RNF135: variants seen among roughly 807,000 people sequenced by gnomAD.
The protein encoded by RNF135 is ring finger protein 135, also known as E3 ubiquitin-protein ligase RNF135.
In RNF135, 46 loss-of-function variants were observed where a neutral mutation model predicts 41.9. That is an observed-to-expected ratio of 1.10 (90% CI 0.87 to 1.40). The LOEUF is 1.40. Among genes scored for constraint, RNF135 ranks in the 40% most tolerant of loss-of-function variants. The pLI is 0.00. For synonymous variants in RNF135, 238 were observed against 223.8 expected (o/e 1.06, Z -0.57); for missense variants, 539 against 549.8 (o/e 0.98, Z 0.20).
At position 30,971,418 on chromosome 17, in the gene RNF135, GC is replaced by G; in HGVS notation, c.349del (p.Arg117GlyfsTer11). ...GTTCCCTCTCCAGCGCGGCCGCGAG[GC>G]CCCGGCGCCGCCCGGAACTGCAGCG... ...SSSLSSAAAR[P>X]RRRPELQRVA... On this transcript the variant is annotated frameshift_variant, in exon 1 of 5. Coordinates refer to ENST00000328381, the MANE Select transcript of RNF135 (RefSeq NM_032322.4). LOFTEE classifies it high-confidence loss of function. The G allele has an allele frequency of 2.0e-6, 3 of 1,515,930 alleles. No individual in the cohort carries two copies. The highest frequency in any genetic ancestry group is 2.6e-5 in the East Asian group (1 of 38,182). The allele number at this position is 1,515,930 out of a possible 1,614,324, so 93.9% of individuals were successfully genotyped here.
chr17:30,999,252 G>A lies in RNF135; in HGVS notation c.*61G>A. 1 of 1,563,082 alleles carries A rather than the reference G, an allele frequency of 6.4e-7. No homozygotes were observed. Among genetic ancestry groups the A allele is most frequent in the South Asian group, 1.1e-5 (1 of 89,978 alleles). ...GTCTCTCTCCCTGTCATCAATCAGG[G>A]TAGTAACTTGACTTAAGAATACCAC... On this transcript the variant is annotated 3_prime_UTR_variant, in exon 5 of 5. Transcript: ENST00000328381.
At chr17:30,971,513 T>G in intron 1 of RNF135, 68 bp downstream of exon 1, 1 of 1,413,826 alleles carries the variant, frequency 7.1e-7, no homozygotes. Flanking sequence ...CTTTCCCATG[T>G]GGCTCGAACC....
upstream of RNF135, among the ~76,000 whole-genome samples, chr17:30,966,120 C>A (rs1598067723): frequency 2.0e-5 from 3 of 152,230 alleles, no homozygotes; most frequent in East Asian, 5.8e-4. Context: ...GTGGTTTCAG[C>A]CCCCTGAATA....
intron 1 of RNF135, chr17:30,972,735 TG>T (rs1906103628): frequency 6.6e-6 from 1 of 152,244 alleles, no homozygotes; most frequent in Admixed American, 6.6e-5. Flanking sequence ...ATTCCTTTTA[TG>T]GGGCTGAATG....
intron 2 of RNF135, among the ~76,000 whole-genome samples, chr17:30,986,558 C>T (rs190285207): frequency 4.6e-5 from 7 of 152,316 alleles, no homozygotes; most frequent in South Asian, 2.1e-4. Flanking sequence ...CAAGTACCCA[C>T]TTACAGTAGG....
chr17:30,975,642 C>T, intron 1 of RNF135: 3 of 1,162,938 alleles, frequency 2.6e-6, no homozygotes, highest in South Asian at 2.4e-5. Flanking sequence ...CAAGAAACTC[C>T]ACAACCGCCA....
intron 3 of RNF135, among the ~76,000 whole-genome samples, chr17:30,993,171 C>T (rs1188626794): frequency 6.6e-6 from 1 of 151,856 alleles, no homozygotes; most frequent in Non-Finnish European, 1.5e-5. Context: ...AGCAATTCTC[C>T]TGCCTCAGCC....
chr17:30,971,271 C>T lies in RNF135; in HGVS notation c.198C>T (p.Ala66=), dbSNP rs926995158. ...CCTGCCCCACTTGCCGCCAGGGCGC[C>T]GCGCAGCAGCCGCACCTGCGGAAGA... ...RWACPTCRQG[A]AQQPHLRKNT... is the part of the protein sequence containing the mutation. The change falls in exon 1 of 5, where the codon GCC becomes GCT. Residue 66 remains alanine, a synonymous_variant. Transcript: ENST00000328381. 7.2e-5 allele frequency: 110 copies of T among 1,524,562 alleles called. No homozygotes were observed. Among genetic ancestry groups the T allele is most frequent in the Non-Finnish European group, 9.0e-5 (103 of 1,140,650 alleles). 94.4% of individuals were successfully genotyped at this position (1,524,562 alleles called of 1,614,324 possible). A position where few individuals can be genotyped will look rare whatever the true frequency, so the allele number is the denominator to read the frequency against.
the RNF135 span, among the ~76,000 whole-genome samples, chr17:30,963,367 C>A: frequency 1.3e-5 from 2 of 151,660 alleles, no homozygotes; most frequent in Non-Finnish European, 2.9e-5. Context: ...CAGATCACGA[C>A]GTCAGGAGAT....
chr17:30,976,870 G>A (rs1715835455), intron 1 of RNF135, among the ~76,000 whole-genome samples: 1 of 151,896 alleles, frequency 6.6e-6, no homozygotes, highest in African/African-American at 2.4e-5. Context: ...TAGATCATTG[G>A]GTCTTGTTTT....
intron 1 of RNF135, 69 bp from the exon 2 acceptor site, chr17:30,984,548 C>CCT (rs1311694596): frequency 1.3e-6 from 2 of 1,528,852 alleles, no homozygotes; most frequent in African/African-American, 2.7e-5. Flanking sequence ...TTTATGATTC[C>CCT]CTCTGTCTAG....
chr17:30,993,855 G>C, intron 3 of RNF135: 1 of 784,960 alleles, frequency 1.3e-6, no homozygotes, highest in Non-Finnish European at 2.1e-6. Flanking sequence ...CTGTTGCCCA[G>C]GCTGGAGTGC....
At chr17:30,968,292 CAA>C (rs1188089121), upstream of RNF135, among the ~76,000 whole-genome samples, 2 of 127,874 alleles carry the variant, frequency 1.6e-5, no homozygotes, top group Non-Finnish European at 3.5e-5. Context: ...GACTCCATCT[CAA>C]AAAAAAAAAA....
At chr17:30,978,841 T>A (rs1379703894) in intron 1 of RNF135, 1 of 135,262 alleles carries the variant, frequency 7.4e-6, no homozygotes, top group Non-Finnish European at 1.6e-5. Flanking sequence ...AGCATCTGTT[T>A]AACAAAGCAC....
intron 1 of RNF135, 107 bp downstream of exon 1, chr17:30,971,552 T>G: frequency 7.3e-7 from 1 of 1,375,394 alleles, no homozygotes; most frequent in South Asian, 1.7e-5. Flanking sequence ...ACTTTTACGT[T>G]CCTTTTCTCA....
chr17:30,977,105 A>T (rs1906529020), intron 1 of RNF135, among the ~76,000 whole-genome samples: 1 of 151,962 alleles, frequency 6.6e-6, no homozygotes, highest in African/African-American at 2.4e-5. Flanking sequence ...TGTATCCATT[A>T]TATGATTTTT....
intron 3 of RNF135, among the ~76,000 whole-genome samples, chr17:30,996,192 T>C (rs1908346640): frequency 6.7e-6 from 1 of 149,712 alleles, no homozygotes; most frequent in Admixed American, 6.8e-5. Flanking sequence ...CAGGTTCAAG[T>C]GATTCTCCTG....
At chr17:30,969,752 TTTTTTTC>T (rs1314412453), upstream of RNF135, among the ~76,000 whole-genome samples, 242 of 144,412 alleles carry the variant, frequency 1.7e-3, 1 homozygote, top group African/African-American at 6.3e-3. Flanking sequence ...TTTTCTTTCT[TTTTTTTC>T]TTTTTTTTTT....
upstream of RNF135, among the ~76,000 whole-genome samples, chr17:30,968,186 G>A (rs932586444): frequency 1.3e-5 from 2 of 151,064 alleles, no homozygotes; most frequent in Non-Finnish European, 1.5e-5. Flanking sequence ...TACTCCGGAG[G>A]CTGAGGCAGG....
Sources: gnomAD v4.1 joint callset for allele counts (sites outside exome capture counted in the v4.1 genomes callset) on GRCh38, gnomAD v4.1.1 for gene constraint, MANE v1.5 for transcripts, NCBI Gene and HGNC (gene_info 2026-07-23, HGNC 2026-07-21) for gene names.